RSPH10B: variants seen among roughly 807,000 people sequenced by gnomAD.
The protein encoded by RSPH10B is radial spoke head 10 homolog B.
In RSPH10B, 7 loss-of-function variants were observed where a neutral mutation model predicts 52.5. That is an observed-to-expected ratio of 0.13 (90% CI 0.08 to 0.25). RSPH10B has a LOEUF of 0.25. Ranked by LOEUF, RSPH10B falls within the 10% of genes least tolerant of loss-of-function variation. The pLI is 1.00. For missense variants in RSPH10B, 89 were observed against 542.5 expected, an observed-to-expected ratio of 0.16 and a Z score of 8.30; for synonymous variants, 28 against 193.2, an observed-to-expected ratio of 0.14 and a Z score of 7.09.
At chr7:5,940,003 T>C (rs1780103540) in intron 13 of RSPH10B, among the ~76,000 whole-genome samples, 1 of 118,700 alleles carries the variant, frequency 8.4e-6, no homozygotes, top group Admixed American at 9.2e-5. Flanking sequence ...CAGACCATCC[T>C]GGCCAACATG....
At chr7:5,960,079 A>ACACAC (rs1239331678) in intron 4 of RSPH10B, among the ~76,000 whole-genome samples, 1 of 17,440 alleles carries the variant, frequency 5.7e-5, no homozygotes, top group African/African-American at 3.6e-4. Flanking sequence ...ACACACACAC[A>ACACAC]ACAACAACAA....
intron 18 of RSPH10B, among the ~76,000 whole-genome samples, chr7:5,927,062 G>GTATATTA (rs1562553198): frequency 2.2e-5 from 2 of 92,446 alleles, no homozygotes; most frequent in Non-Finnish European, 4.3e-5. Flanking sequence ...GTGTGTGTGT[G>GTATATTA]TGTGTATATG....
chr7:5,941,500 T>C (rs1428436589), intron 13 of RSPH10B, among the ~76,000 whole-genome samples: 17 of 148,872 alleles, frequency 1.1e-4, no homozygotes, highest in African/African-American at 3.9e-4. Context: ...ATCCCAGCAC[T>C]TTGGGAGTCC....
chr7:5,945,089 A>T, exon 11 of RSPH10B: 1 of 638,400 alleles, frequency 1.6e-6, no homozygotes, highest in African/African-American at 2.1e-5. Flanking sequence ...TAAATGTGGT[A>T]CGCCAAATGC....
rs1347951159 is a variant in RSPH10B, at chr7:5,927,048, T to TA, written c.2433-501_2433-500insT. On this transcript the variant is annotated intron_variant, in intron 18 of 18. Transcript: ENST00000337579. ...GTGTGTGTGTGTGTGTGTGTGTGTA[T>TA]TATGTGTGTGTGTGTGTGTATATGT... Among the ~76,000 whole-genome samples the TA allele has an allele frequency of 9.3e-3, 655 of 70,388 alleles. 6 individuals carry two copies. Among genetic ancestry groups the TA allele is most frequent in the African/African-American group, 0.023 (525 of 22,972 alleles). The allele number at this position is 70,388 out of a possible 152,430, so 46.2% of individuals were successfully genotyped here. A position where few individuals can be genotyped will look rare whatever the true frequency, so the allele number is the denominator to read the frequency against.
intron 4 of RSPH10B, among the ~76,000 whole-genome samples, chr7:5,960,013 C>T (rs1780860617): frequency 3.5e-5 from 1 of 28,524 alleles, no homozygotes. Context: ...ACCCCCAATC[C>T]CTCCAATATG....
At chr7:5,928,550 G>C (rs1779647874) in intron 17 of RSPH10B, among the ~76,000 whole-genome samples, 156 bp from the exon 20 acceptor site, 1 of 151,402 alleles carries the variant, frequency 6.6e-6, no homozygotes, top group Non-Finnish European at 1.5e-5. Context: ...ATGACCACCT[G>C]GAACAAGGCA....
At chr7:5,947,663 C>T (rs1255361970) in intron 10 of RSPH10B, among the ~76,000 whole-genome samples, 2 of 103,062 alleles carry the variant, frequency 1.9e-5, no homozygotes, top group East Asian at 3.5e-4. Context: ...TGCGGTGAGC[C>T]GAGATCGTGC....
At chr7:5,928,877 C>T (rs1779671237) in intron 17 of RSPH10B, among the ~76,000 whole-genome samples, 1 of 148,790 alleles carries the variant, frequency 6.7e-6, no homozygotes, top group African/African-American at 2.5e-5. Flanking sequence ...CCACCCACCT[C>T]GGCCTCCCAA....
intron 18 of RSPH10B, among the ~76,000 whole-genome samples, chr7:5,927,068 ATATG>A (rs1237250715): frequency 2.7e-4 from 15 of 54,854 alleles, no homozygotes; most frequent in African/African-American, 8.3e-4. Context: ...GTGTGTGTGT[ATATG>A]TGTGTGTGTG....
intron 13 of RSPH10B, among the ~76,000 whole-genome samples, chr7:5,942,912 T>TATATATATATATATATTTATA (rs1562567124): frequency 1.3e-4 from 12 of 93,638 alleles, no homozygotes; most frequent in African/African-American, 4.2e-4. Flanking sequence ...ATATATTTAT[T>TATATATATATATATATTTATA]TATATATATA....
At chr7:5,929,123 T>C (rs71252143) in intron 17 of RSPH10B, among the ~76,000 whole-genome samples, 2,749 of 142,516 alleles carry the variant, frequency 0.019, 122 homozygotes, top group Middle Eastern at 0.028. Context: ...GTGATCCTCC[T>C]ATCTCAGCCT....
intron 13 of RSPH10B, among the ~76,000 whole-genome samples, chr7:5,939,585 A>AACACACACACAC (rs762383240): frequency 2.8e-4 from 10 of 36,222 alleles, no homozygotes; most frequent in East Asian, 9.1e-4. Context: ...ACCTGTCTCA[A>AACACACACACAC]ACACACACAC....
At position 5,928,172 on chromosome 7, in the gene RSPH10B, G is replaced by A. The variant is rs375056748; in HGVS notation, c.2432+24C>T. ...GGAAGAGAGAGAGCAGCTGGGGAAG[G>A]AGAGGAGGGACCTCGTAAGTTACCT... On this transcript the variant is annotated intron_variant, in intron 18 of 18. Transcript: ENST00000337579. 6.3e-5 allele frequency: 102 copies of A among 1,606,724 alleles called. 1 individual carries two copies. Among genetic ancestry groups the A allele is most frequent in the Non-Finnish European group, 8.5e-5 (100 of 1,173,794 alleles).
chr7:5,966,362 C>T (rs1244741206), intron 1 of RSPH10B, among the ~76,000 whole-genome samples: 4 of 115,640 alleles, frequency 3.5e-5, no homozygotes, highest in African/African-American at 9.5e-5. Context: ...TATATACACA[C>T]GCCATGGGGC....
In RSPH10B at chr7:5,943,152, G is replaced by A. The variant is rs183483503; in HGVS notation, c.1758+172C>T. The A allele has an allele frequency of 3.1e-3, 4,337 of 1,395,006 alleles. 18 individuals carry two copies. Among genetic ancestry groups the A allele is most frequent in the Admixed American group, 4.5e-3 (169 of 37,592 alleles). The allele number at this position is 1,395,006 out of a possible 1,614,324, so 86.4% of individuals were successfully genotyped here. On this transcript the variant is annotated intron_variant, in intron 13 of 18. Coordinates refer to ENST00000337579, the Ensembl canonical transcript of RSPH10B. ...TGACGGCTGTTTCTGTTCCTTCCAC[G>A]ACCACAGACCACTGTTCTGCCAAGA... is the stretch of plus-strand genomic sequence containing the variant.
At chr7:5,926,801 C>CTG (rs1779445164) in intron 18 of RSPH10B, among the ~76,000 whole-genome samples, 1 of 142,936 alleles carries the variant, frequency 7.0e-6, no homozygotes, top group African/African-American at 2.6e-5. Flanking sequence ...GTTGCCCAGG[C>CTG]TGGAGTGCAA....
At chr7:5,944,412 A>G (rs188070671) in intron 11 of RSPH10B, among the ~76,000 whole-genome samples, 18 of 150,804 alleles carry the variant, frequency 1.2e-4, no homozygotes, top group South Asian at 2.1e-4. Flanking sequence ...AAATAAATAT[A>G]TAAATAAAAG....
intron 13 of RSPH10B, among the ~76,000 whole-genome samples, chr7:5,941,964 C>T (rs1473545096): frequency 2.7e-5 from 4 of 149,548 alleles, no homozygotes; most frequent in African/African-American, 4.9e-5. Flanking sequence ...ACAATTCCAG[C>T]TCATTGCAAC....
Sources: allele counts gnomAD v4.1 joint callset (sites outside exome capture counted in the v4.1 genomes callset), GRCh38; gene constraint gnomAD v4.1.1; transcripts MANE v1.5; gene names NCBI Gene and HGNC (gene_info 2026-07-23, HGNC 2026-07-21).